The following PRSS38 variants were observed in gnomAD, a reference collection of about 807,000 sequenced individuals.
PRSS38 encodes marapsin 2.
A neutral mutation model predicts 26.8 loss-of-function variants in PRSS38; 22 were observed. That is an observed-to-expected ratio of 0.82 (90% CI 0.59 to 1.17). The LOEUF (loss-of-function observed/expected upper bound fraction) is 1.17. PRSS38 is among the 50% of genes most tolerant of loss of function. The pLI is 0.00. For missense variants in PRSS38, 427 were observed against 422.7 expected (o/e 1.01, Z -0.09); for synonymous variants, 175 against 172.1 (o/e 1.02, Z -0.13).
rs546196160 is a variant in PRSS38, at chr1:227,841,213, G to C, written c.584-4257G>C. Among the ~76,000 whole-genome samples the C allele has an allele frequency of 6.6e-5, 10 of 152,348 alleles. No homozygotes were observed. The East Asian group carries it at 1.5e-3, about 24-fold the overall frequency. ...TGGCTGGCCTGGGATAGCCTGAGCT[G>C]GGGGGCTGGACTCTGCCCCATGCAA... On this transcript the variant is annotated intron_variant, in intron 3 of 4. Transcript: ENST00000366757.
chr1:227,845,569 T>C (rs1665416268), exon 4 of PRSS38: 1 of 1,613,766 alleles, frequency 6.2e-7, no homozygotes, highest in Non-Finnish European at 8.5e-7. Flanking sequence ...ATGCCCGACA[T>C]GCTGTGTGCT....
rs1003827415 is a variant in PRSS38, at chr1:227,825,438, C to T, written c.583+7958C>T. On this transcript the variant is annotated intron_variant, in intron 3 of 4. Transcript: ENST00000366757. Reference sequence around the variant, plus strand: ...ATCTCCTGATCTTGTGATCTGCCCGCCTCAGCCTCCCAAAGTGCTGTGATT... The same window carrying T: ...ATCTCCTGATCTTGTGATCTGCCCGTCTCAGCCTCCCAAAGTGCTGTGATT... 1.2e-4 allele frequency among the ~76,000 whole-genome samples: 19 copies of T among 152,334 alleles called. No homozygotes were observed. In the Middle Eastern group the frequency reaches 0.01, roughly 82 times the overall value.
chr1:227,817,525 CT>C, intron 3 of PRSS38, 45 bp downstream of exon 3: 2 of 1,592,708 alleles, frequency 1.3e-6, no homozygotes, highest in South Asian at 2.2e-5. Flanking sequence ...GAAGGCTTCT[CT>C]TCCACCACAG....
intron 1 of PRSS38, 93 bp from the exon 2 acceptor site, chr1:227,815,997 C>T (rs1664906588): frequency 6.6e-7 from 1 of 1,509,582 alleles, no homozygotes; most frequent in East Asian, 2.3e-5. Context: ...TCCCTTCCTC[C>T]TGTGTCCCCT....
chr1:227,835,633 C>T (rs1429814039), intron 3 of PRSS38, among the ~76,000 whole-genome samples: 3 of 152,126 alleles, frequency 2.0e-5, no homozygotes, highest in Non-Finnish European at 2.9e-5. Context: ...AGTATTTCAA[C>T]CATAAAATGG....
At chr1:227,830,756 C>T (rs1490724553) in intron 3 of PRSS38, among the ~76,000 whole-genome samples, 1 of 151,976 alleles carries the variant, frequency 6.6e-6, no homozygotes, top group African/African-American at 2.4e-5. Flanking sequence ...CTGCCCACCT[C>T]GGCCCCCCAA....
chr1:227,827,488 A>G (rs1272991361), intron 3 of PRSS38, among the ~76,000 whole-genome samples: 1 of 151,934 alleles, frequency 6.6e-6, no homozygotes, highest in Admixed American at 6.6e-5. Flanking sequence ...AAGTGTTTAT[A>G]GTGTTCTCTG....
In PRSS38 at chr1:227,816,349, C is replaced by G; in HGVS notation, c.311+97C>G. On this transcript the variant is annotated intron_variant, in intron 2 of 4. Transcript: ENST00000366757. The surrounding 1 kb of genome is among the most constrained non-coding windows in gnomAD (Gnocchi z 5.1). Reference sequence around the variant, plus strand: ...ACCCCACGCAAGCCTCCCCCATCACCATTGTCGACTCCCTTCACCACTGTC... The same window carrying G: ...ACCCCACGCAAGCCTCCCCCATCACGATTGTCGACTCCCTTCACCACTGTC... 1.5e-6 allele frequency: 2 copies of G among 1,324,492 alleles called. No individual in the cohort carries two copies. Among genetic ancestry groups the G allele is most frequent in the South Asian group, 2.7e-5 (2 of 75,016 alleles). 82.0% of individuals were successfully genotyped at this position (1,324,492 alleles called of 1,614,324 possible). A position where few individuals can be genotyped will look rare whatever the true frequency, so the allele number is the denominator to read the frequency against.
intron 3 of PRSS38, among the ~76,000 whole-genome samples, chr1:227,827,618 A>ATT (rs1221730018): frequency 2.1e-5 from 3 of 139,972 alleles, no homozygotes; most frequent in African/African-American, 7.8e-5. Flanking sequence ...TATCTTATTA[A>ATT]TTTTTTTTTT....
intron 3 of PRSS38, among the ~76,000 whole-genome samples, chr1:227,822,475 AT>A (rs1406339237): frequency 6.6e-6 from 1 of 152,132 alleles, no homozygotes; most frequent in Non-Finnish European, 1.5e-5. Flanking sequence ...CTGAATATTG[AT>A]TATAATAATG....
rs1398273324 is a variant in PRSS38, at chr1:227,845,464, C to T, written c.584-6C>T. 4 of 1,607,398 alleles carry T rather than the reference C, an allele frequency of 2.5e-6. No homozygotes were observed. Among genetic ancestry groups the T allele is most frequent in the African/African-American group, 1.3e-5 (1 of 74,840 alleles). ...CTGCCCCCTCACGGGAGCCCTCCTCCCACAGGTGAGACCTCAGACGAGCTG... is the reference window on the plus strand; with the variant it reads ...CTGCCCCCTCACGGGAGCCCTCCTCTCACAGGTGAGACCTCAGACGAGCTG... On this transcript the variant is annotated splice_region_variant and splice_polypyrimidine_tract_variant and intron_variant, in intron 3 of 4. Transcript: ENST00000366757.
At chr1:227,817,127 C>T (rs1664931440) in intron 2 of PRSS38, 82 bp from the exon 3 acceptor site, 9 of 1,428,364 alleles carry the variant, frequency 6.3e-6, no homozygotes, top group Non-Finnish European at 8.7e-6. Context: ...GAGTGCCAGC[C>T]CCTTGCGCTT....
chr1:227,819,700 T>A (rs905788936), intron 3 of PRSS38, among the ~76,000 whole-genome samples: 5 of 152,246 alleles, frequency 3.3e-5, no homozygotes, highest in African/African-American at 1.2e-4. Context: ...TCATTAAATT[T>A]ATTTCCAAGG....
intron 3 of PRSS38, among the ~76,000 whole-genome samples, chr1:227,829,847 A>G (rs1020536053): frequency 1.3e-5 from 2 of 152,194 alleles, no homozygotes; most frequent in Admixed American, 1.3e-4. Flanking sequence ...GTTCAATACA[A>G]CTGGGAATAG....
chr1:227,828,466 TGA>T (rs767780492), intron 3 of PRSS38, among the ~76,000 whole-genome samples: 17 of 152,208 alleles, frequency 1.1e-4, no homozygotes, highest in Non-Finnish European at 1.9e-4. Flanking sequence ...CATCATTCTG[TGA>T]GCCTCACCTC....
chr1:227,818,245 C>G (rs1355051678), intron 3 of PRSS38, among the ~76,000 whole-genome samples: 1 of 152,198 alleles, frequency 6.6e-6, no homozygotes, highest in East Asian at 1.9e-4. Flanking sequence ...TATATTACAC[C>G]AGATTAAGAA....
At chr1:227,822,436 T>A (rs1367370821) in intron 3 of PRSS38, among the ~76,000 whole-genome samples, 1 of 152,138 alleles carries the variant, frequency 6.6e-6, no homozygotes, top group African/African-American at 2.4e-5. Context: ...GTTTTATACT[T>A]TTGAATATAT....
In PRSS38 at chr1:227,818,418, C is replaced by T. The variant is rs185124427; in HGVS notation, c.583+938C>T. On this transcript the variant is annotated intron_variant, in intron 3 of 4. Coordinates refer to ENST00000366757, the Ensembl canonical transcript of PRSS38. ...TTAAGCTGGGTGCAGTGGCTCACAC[C>T]TGTAAATCCCAGCACTTTGGGAGGC... Among the ~76,000 whole-genome samples, 115 of 152,182 alleles carry T rather than the reference C, an allele frequency of 7.6e-4. 1 individual carries two copies. The highest frequency in any genetic ancestry group is 7.3e-3 in the Admixed American group (112 of 15,282).
chr1:227,827,097 T>C (rs1348264573), intron 3 of PRSS38, among the ~76,000 whole-genome samples: 2 of 152,140 alleles, frequency 1.3e-5, no homozygotes, highest in Non-Finnish European at 2.9e-5. Context: ...TTGTTGAGGA[T>C]TTTTGCATTG....
Sources: gnomAD v4.1 joint callset for allele counts (sites outside exome capture counted in the v4.1 genomes callset) on GRCh38, gnomAD v4.1.1 for gene constraint, Gnocchi (gnomAD v3.1) non-coding constraint, MANE v1.5 for transcripts, NCBI Gene and HGNC (gene_info 2026-07-23, HGNC 2026-07-21) for gene names.